The following LINGO1 variants were observed in gnomAD, a reference collection of about 807,000 sequenced individuals.
LINGO1 encodes the protein leucine rich repeat and Ig domain containing 1.
In LINGO1, 11 loss-of-function variants were observed where a neutral mutation model predicts 37.3. That is an observed-to-expected ratio of 0.29 (90% CI 0.19 to 0.49). The LOEUF (loss-of-function observed/expected upper bound fraction) is 0.49. LINGO1 is among the 20% of genes least tolerant of loss of function. The pLI is 0.99. For missense variants in LINGO1, 585 were observed against 878.2 expected, an observed-to-expected ratio of 0.67 and a Z score of 4.22; for synonymous variants, 387 against 403.0, an observed-to-expected ratio of 0.96 and a Z score of 0.48.
chr15:77,688,211 G>A (rs2075544300), intron 2 of LINGO1, among the ~76,000 whole-genome samples: 1 of 152,330 alleles, frequency 6.6e-6, no homozygotes, highest in Non-Finnish European at 1.5e-5. Flanking sequence ...GGCAGGAGGC[G>A]GCACCTGCCC....
intron 2 of LINGO1, among the ~76,000 whole-genome samples, chr15:77,721,388 T>C (rs1228806060): frequency 6.6e-6 from 1 of 152,102 alleles, no homozygotes; most frequent in Non-Finnish European, 1.5e-5. Context: ...ACATTCATCC[T>C]GCAGTGCTCA....
chr15:77,813,240 T>C (rs1403363302), intron 1 of LINGO1, among the ~76,000 whole-genome samples: 2 of 152,202 alleles, frequency 1.3e-5, no homozygotes, highest in African/African-American at 4.8e-5. Flanking sequence ...AAGGTTTTTT[T>C]TTTAATGAGG....
At chr15:77,700,445 CACT>C (rs2075767956), upstream of LINGO1, among the ~76,000 whole-genome samples, 5 of 152,166 alleles carry the variant, frequency 3.3e-5, no homozygotes, top group Non-Finnish European at 7.3e-5. Context: ...TTACTACTAC[CACT>C]ACTAATAGTT....
chr15:77,804,408 T>C (rs981193995), intron 1 of LINGO1, among the ~76,000 whole-genome samples: 14 of 151,944 alleles, frequency 9.2e-5, no homozygotes, highest in Middle Eastern at 3.2e-3. Context: ...TCCCTAGAAG[T>C]AGATGGCCAG....
intron 1 of LINGO1, among the ~76,000 whole-genome samples, chr15:77,816,735 C>T (rs1051917367): frequency 6.6e-6 from 1 of 152,070 alleles, no homozygotes; most frequent in African/African-American, 2.4e-5. Flanking sequence ...CCCTGGTCTC[C>T]CCCTCACCAT....
upstream of LINGO1, among the ~76,000 whole-genome samples, chr15:77,633,266 C>T (rs1324700517): frequency 7.0e-6 from 1 of 142,862 alleles, no homozygotes; most frequent in Non-Finnish European, 1.5e-5. Context: ...TATGCGCGCA[C>T]ACCGTTGTGT....
In LINGO1 at chr15:77,807,710, T is replaced by C. The variant is rs571168214; in HGVS notation, c.-457-11657A>G. Among the ~76,000 whole-genome samples, 28 of 152,278 alleles carry C rather than the reference T, an allele frequency of 1.8e-4. No individual in the cohort carries two copies. The South Asian group carries it at 5.8e-3, about 32-fold the overall frequency. The stretch of plus-strand genomic sequence containing the variant: ...GAAGAAAATCTGGTGGATTTTCCCC[T>C]TTCCTCCATAATGTAAAGAAAATTG... On this transcript the variant is annotated intron_variant, in intron 1 of 5. Coordinates refer to the LINGO1 transcript ENST00000562933.
chr15:77,756,508 A>G (rs1053712782), intron 1 of LINGO1, among the ~76,000 whole-genome samples: 2 of 151,908 alleles, frequency 1.3e-5, no homozygotes, highest in African/African-American at 4.8e-5. Context: ...ACACACACAC[A>G]CACACACACA....
At chr15:77,689,861 C>T (rs2075573340) in intron 2 of LINGO1, among the ~76,000 whole-genome samples, 1 of 152,196 alleles carries the variant, frequency 6.6e-6, no homozygotes, top group East Asian at 1.9e-4. Context: ...ATGTCCCAAA[C>T]TTCCTGGAGG....
chr15:77,723,783 C>T (rs912676712), intron 2 of LINGO1, among the ~76,000 whole-genome samples: 2 of 152,120 alleles, frequency 1.3e-5, no homozygotes, highest in African/African-American at 2.4e-5. Flanking sequence ...ATGGAACGAC[C>T]CCAGCCCCAG....
chr15:77,815,370 T>G (rs1163493249), intron 1 of LINGO1, among the ~76,000 whole-genome samples: 3 of 151,312 alleles, frequency 2.0e-5, no homozygotes, highest in Non-Finnish European at 4.4e-5. Flanking sequence ...ACTTGCTTAG[T>G]GACCTTGTGC....
chr15:77,709,264 C>T (rs1439762882), intron 2 of LINGO1, among the ~76,000 whole-genome samples: 2 of 152,218 alleles, frequency 1.3e-5, no homozygotes, highest in African/African-American at 4.8e-5. Context: ...GGTGAGCCTC[C>T]CATCTCCAGA....
At chr15:77,815,722 C>T (rs1286359549) in intron 1 of LINGO1, among the ~76,000 whole-genome samples, 1 of 152,148 alleles carries the variant, frequency 6.6e-6, no homozygotes, top group Non-Finnish European at 1.5e-5. Context: ...GATCACCCCA[C>T]CCAGGTCTTC....
intron 1 of LINGO1, among the ~76,000 whole-genome samples, chr15:77,766,309 A>AC (rs1255634609): frequency 3.6e-5 from 5 of 138,586 alleles, no homozygotes; most frequent in Non-Finnish European, 7.4e-5. Flanking sequence ...AAAAAAAAAA[A>AC]AAAAAAAACA....
At chr15:77,692,413 G>C (rs764802758) in intron 1 of LINGO1, among the ~76,000 whole-genome samples, 3 of 152,286 alleles carry the variant, frequency 2.0e-5, no homozygotes, top group East Asian at 1.9e-4. Flanking sequence ...GTGGAAACAC[G>C]GACGGAGAGT....
chr15:77,637,354 T>C (rs1294725416), upstream of LINGO1, among the ~76,000 whole-genome samples: 2 of 152,208 alleles, frequency 1.3e-5, no homozygotes, highest in Non-Finnish European at 2.9e-5. The surrounding 1 kb of genome is among the most constrained non-coding windows in gnomAD (Gnocchi z 4.6). Context: ...TCCCTGGCAT[T>C]TACTTCATGC....
chr15:77,644,438 C>T (rs2074578562), intron 3 of LINGO1, among the ~76,000 whole-genome samples: 2 of 152,176 alleles, frequency 1.3e-5, no homozygotes, highest in Admixed American at 6.5e-5. Context: ...GGAGGGGTAC[C>T]CTGGTTCCAG....
chr15:77,677,428 G>A (rs1029788318), intron 2 of LINGO1, among the ~76,000 whole-genome samples: 2 of 152,054 alleles, frequency 1.3e-5, no homozygotes, highest in African/African-American at 4.8e-5. Flanking sequence ...TCAAGGCCCC[G>A]TCTAAGCCCC....
At chr15:77,742,475 G>A (rs187667837) in intron 1 of LINGO1, among the ~76,000 whole-genome samples, 148 of 152,332 alleles carry the variant, frequency 9.7e-4, no homozygotes, top group African/African-American at 3.4e-3. Context: ...AAACTAAGGT[G>A]CAGGGTGGGG....
Sources: gnomAD v4.1 joint callset for allele counts (sites outside exome capture counted in the v4.1 genomes callset) on GRCh38, gnomAD v4.1.1 for gene constraint, Gnocchi (gnomAD v3.1) non-coding constraint, MANE v1.5 for transcripts, NCBI Gene and HGNC (gene_info 2026-07-23, HGNC 2026-07-21) for gene names.